FSTL5: variants seen among roughly 807,000 people sequenced by gnomAD.
FSTL5 encodes the protein follistatin like 5, also known as follistatin-related protein 5.
In FSTL5, 62 loss-of-function variants were observed where a neutral mutation model predicts 89.1. The ratio of observed to expected loss-of-function variants is 0.70; its 90% CI spans 0.57 to 0.86. The LOEUF is 0.86. Ranked by LOEUF, FSTL5 falls within the 40% of genes least tolerant of loss-of-function variation. The pLI is 0.00. For synonymous variants in FSTL5, 383 were observed against 346.2 expected, an observed-to-expected ratio of 1.11 and a Z score of -1.18; for missense variants, 1,057 against 1,001.6, an observed-to-expected ratio of 1.06 and a Z score of -0.75.
intron 15 of FSTL5, among the ~76,000 whole-genome samples, chr4:161,436,120 G>T (rs888708613): frequency 1.3e-5 from 2 of 152,078 alleles, no homozygotes; most frequent in African/African-American, 4.8e-5. Context: ...TTTTAAAGGA[G>T]GCCAAATATT....
chr4:161,527,761 G>A (rs1389882216), intron 10 of FSTL5, among the ~76,000 whole-genome samples: 2 of 151,514 alleles, frequency 1.3e-5, no homozygotes, highest in Admixed American at 1.3e-4. Flanking sequence ...TCTAGAACTA[G>A]AAATACCATT....
chr4:161,766,158 A>G (rs1740991296), intron 5 of FSTL5, among the ~76,000 whole-genome samples: 1 of 152,202 alleles, frequency 6.6e-6, no homozygotes, highest in Admixed American at 6.5e-5. Context: ...AGAAAAACCT[A>G]AATCAATATA....
At chr4:161,606,805 G>A (rs894108391) in intron 7 of FSTL5, among the ~76,000 whole-genome samples, 1 of 152,128 alleles carries the variant, frequency 6.6e-6, no homozygotes, top group Non-Finnish European at 1.5e-5. Flanking sequence ...AGCAATGGGA[G>A]ACTGTGAATC....
At chr4:161,513,273 GAGAGAGAGAGAGA>G in intron 10 of FSTL5, among the ~76,000 whole-genome samples, 1 of 3,626 alleles carries the variant, frequency 2.8e-4, no homozygotes, top group Non-Finnish European at 1.4e-3. Context: ...CAAGGAGGGG[GAGAGAGAGAGAGA>G]GAGAGAGAGA....
intron 8 of FSTL5, among the ~76,000 whole-genome samples, chr4:161,573,143 C>T (rs995814607): frequency 4.6e-5 from 7 of 152,086 alleles, no homozygotes; most frequent in African/African-American, 1.7e-4. Context: ...GGCGTGGTGG[C>T]CCACGCCTGT....
chr4:161,909,287 T>C (rs915808885), intron 4 of FSTL5, among the ~76,000 whole-genome samples: 2 of 152,096 alleles, frequency 1.3e-5, no homozygotes, highest in Non-Finnish European at 2.9e-5. Flanking sequence ...TAATACTGCA[T>C]CTATGAGAGA....
At chr4:161,713,059 TGCC>T (rs1738854119) in intron 6 of FSTL5, among the ~76,000 whole-genome samples, 1 of 152,134 alleles carries the variant, frequency 6.6e-6, no homozygotes, top group South Asian at 2.1e-4. Context: ...CTAACACAGT[TGCC>T]ATGTCCAGAC....
At chr4:161,693,368 T>C (rs772458707) in intron 6 of FSTL5, among the ~76,000 whole-genome samples, 1 of 152,160 alleles carries the variant, frequency 6.6e-6, no homozygotes, top group Non-Finnish European at 1.5e-5. Flanking sequence ...TTTTGAGTAG[T>C]TTTGGTGATA....
chr4:161,733,507 T>G (rs1436123332), intron 6 of FSTL5, among the ~76,000 whole-genome samples: 1 of 152,006 alleles, frequency 6.6e-6, no homozygotes, highest in African/African-American at 2.4e-5. Context: ...TATTGCACTA[T>G]CAAAGCTTTT....
intron 1 of FSTL5, among the ~76,000 whole-genome samples, chr4:162,126,048 T>C (rs6811827): frequency 0.098 from 14,739 of 151,150 alleles, 912 homozygotes; most frequent in African/African-American, 0.17. Context: ...GCTTTAAAAA[T>C]GTTTTACCAA....
At chr4:162,116,136 A>C (rs923339833) in intron 1 of FSTL5, among the ~76,000 whole-genome samples, 20 of 152,194 alleles carry the variant, frequency 1.3e-4, no homozygotes, top group African/African-American at 4.8e-4. Flanking sequence ...TAATGGCACA[A>C]AAGACTTTGA....
At chr4:161,919,364 C>T (rs1733927241) in intron 4 of FSTL5, among the ~76,000 whole-genome samples, 1 of 152,134 alleles carries the variant, frequency 6.6e-6, no homozygotes, top group Admixed American at 6.5e-5. Flanking sequence ...CAGAGCATTG[C>T]ATCTTGCATC....
intron 12 of FSTL5, among the ~76,000 whole-genome samples, chr4:161,486,130 T>A: frequency 1.7e-5 from 2 of 115,850 alleles, no homozygotes. Context: ...GGCGACAGAG[T>A]AAGACTCCGT....
chr4:161,520,646 A>G (rs1730992613), intron 10 of FSTL5, among the ~76,000 whole-genome samples: 1 of 152,142 alleles, frequency 6.6e-6, no homozygotes, highest in Admixed American at 6.5e-5. Flanking sequence ...GGAAAAACTA[A>G]CCCTAGAACT....
intron 15 of FSTL5, among the ~76,000 whole-genome samples, chr4:161,391,911 A>G (rs1296330127): frequency 6.6e-6 from 1 of 152,224 alleles, no homozygotes; most frequent in Non-Finnish European, 1.5e-5. Context: ...TCCCACCTGA[A>G]TAAGTACATC....
In FSTL5 at chr4:161,659,449, C is replaced by T. The variant is rs370974901; in HGVS notation, c.728-2955G>A. On this transcript the variant is annotated intron_variant, in intron 6 of 15. Coordinates refer to ENST00000306100, the MANE Select transcript of FSTL5 (RefSeq NM_020116.5). ...AATTGCCATGCCCATCTTTATTTGT[C>T]TTGTGATAGTTATTAAGAAGCACAG... 3.7e-4 allele frequency among the ~76,000 whole-genome samples: 57 copies of T among 152,106 alleles called. No homozygotes were observed. In the East Asian group the frequency reaches 6.4e-3, roughly 17 times the overall value.
intron 7 of FSTL5, among the ~76,000 whole-genome samples, chr4:161,590,271 A>G (rs1352666385): frequency 6.6e-6 from 1 of 152,084 alleles, no homozygotes; most frequent in Non-Finnish European, 1.5e-5. Flanking sequence ...TGGGCATGGT[A>G]GCTCACACCT....
intron 3 of FSTL5, among the ~76,000 whole-genome samples, chr4:162,014,517 G>A (rs1736860683): frequency 1.3e-5 from 2 of 151,336 alleles, no homozygotes; most frequent in South Asian, 4.2e-4. Flanking sequence ...GGCTATTCAA[G>A]AATTTCCTGT....
At chr4:161,673,134 C>T (rs890997868) in intron 6 of FSTL5, among the ~76,000 whole-genome samples, 2 of 151,940 alleles carry the variant, frequency 1.3e-5, no homozygotes, top group Non-Finnish European at 2.9e-5. Flanking sequence ...ACGTTTATTG[C>T]TAAAAATAAT....
Sources: allele counts gnomAD v4.1 joint callset (sites outside exome capture counted in the v4.1 genomes callset), GRCh38; gene constraint gnomAD v4.1.1; transcripts MANE v1.5; gene names NCBI Gene and HGNC (gene_info 2026-07-23, HGNC 2026-07-21).